HDAC9: variants seen among roughly 807,000 people sequenced by gnomAD.
HDAC9 encodes MEF-2 interacting transcription repressor (MITR) protein.
In HDAC9, 41 loss-of-function variants were observed where a neutral mutation model predicts 139.4. That is an observed-to-expected ratio of 0.29 (90% confidence interval 0.23 to 0.38). HDAC9 has a LOEUF of 0.38. HDAC9 is among the 10% of genes least tolerant of loss of function. The pLI is 1.00. For synonymous variants in HDAC9, 517 were observed against 476.2 expected (o/e 1.09, Z -1.12); for missense variants, 1,147 against 1,297.0 (o/e 0.88, Z 1.78).
chr7:18,184,849 A>G (rs542302658), intron 2 of HDAC9, among the ~76,000 whole-genome samples: 1 of 152,222 alleles, frequency 6.6e-6, no homozygotes, highest in African/African-American at 2.4e-5. Context: ...GTGCTATTGT[A>G]TCAGAGTCAC....
intron 17 of HDAC9, among the ~76,000 whole-genome samples, chr7:18,828,374 C>G (rs1795609215): frequency 1.3e-5 from 2 of 152,196 alleles, no homozygotes; most frequent in Admixed American, 6.5e-5. Flanking sequence ...AGCATGCTGG[C>G]TTTGCAAGGA....
chr7:18,411,816 G>GTTTTTTT lies in HDAC9; in HGVS notation c.-41-84446_-41-84445insTTTTTTT, dbSNP rs1280818174. Reference sequence around the variant, plus strand: ...GGTGTACTAAATGTAATTTCAACTTGCTTTTTTTTTTTTTTTTTTTTTTTT... The same window carrying GTTTTTTT: ...GGTGTACTAAATGTAATTTCAACTTGTTTTTTTCTTTTTTTTTTTTTTTTTTTTTTTT... On this transcript the variant is annotated intron_variant, in intron 1 of 3. Coordinates refer to the HDAC9 transcript ENST00000413509. 8.1e-4 allele frequency among the ~76,000 whole-genome samples: 72 copies of GTTTTTTT among 89,412 alleles called. 1 individual carries two copies. Among genetic ancestry groups the GTTTTTTT allele is most frequent in the Admixed American group, 2.6e-3 (18 of 7,058 alleles). The allele number at this position is 89,412 out of a possible 152,430, so 58.7% of individuals were successfully genotyped here.
intron 2 of HDAC9, among the ~76,000 whole-genome samples, chr7:18,217,493 T>C (rs1175567110): frequency 6.6e-6 from 1 of 152,198 alleles, no homozygotes; most frequent in African/African-American, 2.4e-5. Flanking sequence ...GCTTTCTTAT[T>C]TTCTCTTATT....
At chr7:18,733,261 T>C (rs1260675078) in intron 13 of HDAC9, among the ~76,000 whole-genome samples, 1 of 142,468 alleles carries the variant, frequency 7.0e-6, no homozygotes, top group African/African-American at 2.6e-5. Context: ...ATATAATGTA[T>C]ATATACACAG....
At chr7:18,143,350 G>C (rs1362701502) in intron 1 of HDAC9, among the ~76,000 whole-genome samples, 5 of 152,094 alleles carry the variant, frequency 3.3e-5, no homozygotes, top group Admixed American at 3.3e-4. Context: ...AGCTCTATGC[G>C]TATGATGCTT....
At chr7:18,304,584 G>T (rs1379842724) in intron 1 of HDAC9, among the ~76,000 whole-genome samples, 3 of 152,138 alleles carry the variant, frequency 2.0e-5, no homozygotes, top group African/African-American at 7.2e-5. Context: ...TACATGTACT[G>T]CATGAAAGTT....
chr7:18,357,241 T>C (rs1197498219), intron 1 of HDAC9, among the ~76,000 whole-genome samples: 2 of 152,134 alleles, frequency 1.3e-5, no homozygotes, highest in African/African-American at 4.8e-5. Flanking sequence ...TCCAATCTAA[T>C]ATATATGTGA....
intron 1 of HDAC9, among the ~76,000 whole-genome samples, chr7:18,457,942 T>G (rs995267985): frequency 5.9e-5 from 9 of 152,184 alleles, no homozygotes; most frequent in Non-Finnish European, 1.0e-4. Context: ...ATGCACACAC[T>G]GACACTACAG....
chr7:18,615,798 G>C (rs1248485470), intron 6 of HDAC9, among the ~76,000 whole-genome samples: 1 of 152,038 alleles, frequency 6.6e-6, no homozygotes, highest in African/African-American at 2.4e-5. Flanking sequence ...CACCAATCTT[G>C]GAATTCATTC....
intron 2 of HDAC9, among the ~76,000 whole-genome samples, chr7:18,185,712 A>C (rs1017083067): frequency 6.6e-6 from 1 of 152,108 alleles, no homozygotes; most frequent in African/African-American, 2.4e-5. Context: ...CCCTACCTTC[A>C]TATTGTTCCA....
At chr7:18,142,807 T>C (rs1265350549) in intron 1 of HDAC9, among the ~76,000 whole-genome samples, 3 of 152,178 alleles carry the variant, frequency 2.0e-5, no homozygotes, top group African/African-American at 4.8e-5. Flanking sequence ...GTCAAGACTA[T>C]TCAGCTTCAC....
intron 1 of HDAC9, among the ~76,000 whole-genome samples, chr7:18,488,382 A>G (rs1387411514): frequency 1.1e-4 from 16 of 152,076 alleles, no homozygotes; most frequent in Non-Finnish European, 2.4e-4. Flanking sequence ...TATGTAGTAC[A>G]TATACTAATG....
At chr7:18,170,230 G>C (rs551744741) in intron 2 of HDAC9, among the ~76,000 whole-genome samples, 7 of 152,042 alleles carry the variant, frequency 4.6e-5, no homozygotes, top group African/African-American at 1.7e-4. Flanking sequence ...GCATTTTTTC[G>C]TGTGTCTATT....
chr7:18,891,347 C>G (rs1015780818), intron 22 of HDAC9, among the ~76,000 whole-genome samples: 25 of 152,278 alleles, frequency 1.6e-4, no homozygotes, highest in Admixed American at 1.4e-3. Flanking sequence ...ACAGGAGTGT[C>G]AGGCTACTTG....
At chr7:18,458,294 G>A (rs1793528125) in intron 1 of HDAC9, among the ~76,000 whole-genome samples, 1 of 152,190 alleles carries the variant, frequency 6.6e-6, no homozygotes, top group Non-Finnish European at 1.5e-5. Flanking sequence ...ATGAGCAAGA[G>A]GAGAGCTCTT....
At chr7:18,135,072 A>G (rs1034684188) in intron 1 of HDAC9, among the ~76,000 whole-genome samples, 4 of 152,128 alleles carry the variant, frequency 2.6e-5, no homozygotes, top group Admixed American at 1.3e-4. Flanking sequence ...TGAGTTCATC[A>G]TATGTGACAG....
chr7:18,594,298 T>C (rs931284346), intron 6 of HDAC9, among the ~76,000 whole-genome samples: 1 of 152,046 alleles, frequency 6.6e-6, no homozygotes, highest in Non-Finnish European at 1.5e-5. Context: ...TAGGAATAAA[T>C]AAAAATAAAA....
At chr7:18,887,297 T>G (rs1029162710) in intron 22 of HDAC9, among the ~76,000 whole-genome samples, 3 of 152,206 alleles carry the variant, frequency 2.0e-5, no homozygotes, top group Non-Finnish European at 2.9e-5. Flanking sequence ...GCAATTGGCA[T>G]TTCCAACAAG....
intron 13 of HDAC9, among the ~76,000 whole-genome samples, chr7:18,730,036 T>G (rs1171583547): frequency 6.6e-6 from 1 of 152,234 alleles, no homozygotes; most frequent in Non-Finnish European, 1.5e-5. Context: ...TTAGCTCATT[T>G]GAACTTACAA....
Sources: allele counts gnomAD v4.1 joint callset (sites outside exome capture counted in the v4.1 genomes callset), GRCh38; gene constraint gnomAD v4.1.1; transcripts MANE v1.5; gene names NCBI Gene and HGNC (gene_info 2026-07-23, HGNC 2026-07-21).